TENM4: variants seen among roughly 807,000 people sequenced by gnomAD.
TENM4 encodes the protein teneurin transmembrane protein 4.
A neutral mutation model predicts 243.3 loss-of-function variants in TENM4; 82 were observed. The observed-to-expected ratio is 0.34, with a 90% CI of 0.28 to 0.40. The LOEUF is 0.40. Ranked by LOEUF, TENM4 falls within the 10% of genes least tolerant of loss-of-function variation. The pLI, the probability that TENM4 is intolerant of heterozygous loss-of-function variation, is 1.00. For synonymous variants in TENM4, 1,412 were observed against 1,456.3 expected (o/e 0.97, Z 0.69); for missense variants, 3,138 against 3,673.3 (o/e 0.85, Z 3.77).
At chr11:78,987,879 TC>T (rs1030364483) in intron 6 of TENM4, among the ~76,000 whole-genome samples, 78 of 152,184 alleles carry the variant, frequency 5.1e-4, no homozygotes, top group African/African-American at 1.8e-3. Flanking sequence ...TTACGTTTTT[TC>T]CCCCAGGCCA....
intron 1 of TENM4, chr11:79,422,338 C>A (rs981058295): frequency 2.0e-5 from 3 of 152,088 alleles, no homozygotes; most frequent in African/African-American, 4.8e-5. Flanking sequence ...ACCAGCTCTA[C>A]AGTAAGAAAG....
At chr11:79,250,728 A>G (rs1258212320) in intron 2 of TENM4, among the ~76,000 whole-genome samples, 1 of 152,252 alleles carries the variant, frequency 6.6e-6, no homozygotes, top group Non-Finnish European at 1.5e-5. Flanking sequence ...TTAAAAATTA[A>G]TAATTGAAAT....
intron 1 of TENM4, among the ~76,000 whole-genome samples, chr11:79,388,140 G>A (rs959744439): frequency 6.6e-6 from 1 of 152,222 alleles, no homozygotes; most frequent in Non-Finnish European, 1.5e-5. Context: ...CTTCACTGAG[G>A]TTAGAGCCAG....
At chr11:79,127,915 C>T (rs983092025) in intron 4 of TENM4, among the ~76,000 whole-genome samples, 1 of 152,176 alleles carries the variant, frequency 6.6e-6, no homozygotes, top group African/African-American at 2.4e-5. Flanking sequence ...CTCCTACAAC[C>T]AAGAAAGAGG....
intron 18 of TENM4, among the ~76,000 whole-genome samples, chr11:78,769,859 C>A (rs997883093): frequency 5.3e-5 from 8 of 152,252 alleles, no homozygotes; most frequent in African/African-American, 1.9e-4. Flanking sequence ...GAAACCCACT[C>A]AAGGCAAATA....
rs376677894 is a variant in TENM4 at position 78,989,955 on chromosome 11, T to C, written c.493+74783A>G. ...GGCATATAATTGTAGTCCCAGTTACTCAGGAGGCTAAGGTGGGAGAGTCAC... is the reference window on the plus strand; with the variant it reads ...GGCATATAATTGTAGTCCCAGTTACCCAGGAGGCTAAGGTGGGAGAGTCAC... On this transcript the variant is annotated intron_variant, in intron 6 of 33. Coordinates refer to ENST00000278550, the MANE Select transcript of TENM4 (RefSeq NM_001098816.3). Among the ~76,000 whole-genome samples, 88 of 151,922 alleles carry C rather than the reference T, an allele frequency of 5.8e-4. 1 individual carries two copies. Among genetic ancestry groups the C allele is most frequent in the East Asian group, 3.1e-3 (16 of 5,154 alleles).
chr11:79,303,716 C>T (rs749700018), intron 1 of TENM4, among the ~76,000 whole-genome samples: 1 of 152,154 alleles, frequency 6.6e-6, no homozygotes, highest in Non-Finnish European at 1.5e-5. Context: ...ATGCTCTAAA[C>T]CATTAGACTA....
intron 1 of TENM4, among the ~76,000 whole-genome samples, chr11:79,423,953 T>C (rs1456394095): frequency 6.6e-6 from 1 of 152,208 alleles, no homozygotes; most frequent in East Asian, 1.9e-4. Flanking sequence ...TGAAGGTTCT[T>C]TCTCAGATGT....
In TENM4 at chr11:79,361,785, A is replaced by T. The variant is rs141522913; in HGVS notation, c.-320-64242T>A. ...CGCAACAGAAAAAAAAAATACAGAGACTATGTATCTGTGGGATTTCAAATA... is the reference window on the plus strand; with the variant it reads ...CGCAACAGAAAAAAAAAATACAGAGTCTATGTATCTGTGGGATTTCAAATA... On this transcript the variant is annotated intron_variant, in intron 1 of 33. Coordinates refer to ENST00000278550, the MANE Select transcript of TENM4 (RefSeq NM_001098816.3). 6.1e-3 allele frequency among the ~76,000 whole-genome samples: 926 copies of T among 152,260 alleles called. 2 individuals carry two copies. Among genetic ancestry groups the T allele is most frequent in the Non-Finnish European group, 0.01 (714 of 68,018 alleles).
intron 7 of TENM4, among the ~76,000 whole-genome samples, chr11:78,891,818 C>T (rs1646894541): frequency 6.6e-6 from 1 of 152,146 alleles, no homozygotes; most frequent in East Asian, 1.9e-4. Context: ...AGGCTGCTTA[C>T]ATCAGCTTAA....
At chr11:78,771,620 C>A (rs1856648727) in intron 17 of TENM4, among the ~76,000 whole-genome samples, 1 of 152,150 alleles carries the variant, frequency 6.6e-6, no homozygotes, top group Non-Finnish European at 1.5e-5. Context: ...AAGGGTGTTA[C>A]TTTTTCCAAC....
At chr11:79,393,668 G>A (rs970223767) in intron 1 of TENM4, among the ~76,000 whole-genome samples, 5 of 152,196 alleles carry the variant, frequency 3.3e-5, no homozygotes, top group Non-Finnish European at 5.9e-5. Flanking sequence ...GAGCAGAGGC[G>A]GGCACTCCAC....
At chr11:78,934,997 CTTTTTTTT>C (rs530062569) in intron 6 of TENM4, among the ~76,000 whole-genome samples, 2 of 81,114 alleles carry the variant, frequency 2.5e-5, no homozygotes, top group Non-Finnish European at 4.2e-5. Context: ...AAGTATGCAA[CTTTTTTTT>C]TTTTTTTTTT....
Position 78,708,423 on chromosome 11 carries a change from C to T in TENM4, c.4147G>A (p.Gly1383Ser), listed in dbSNP as rs1183184347. 11 of 1,613,856 alleles carry T rather than the reference C, an allele frequency of 6.8e-6. No individual in the cohort carries two copies. The highest frequency in any genetic ancestry group is 2.7e-5 in the African/African-American group (2 of 74,912). The change falls in exon 27 of 34, where the codon GGC (glycine) becomes AGC (serine). Residue 1383 changes from glycine to serine, a missense_variant. This residue lies in a region of TENM4 where 2,467 missense variants were observed against 3,059.1 expected (regional missense o/e 0.81). Coordinates refer to ENST00000278550, the MANE Select transcript of TENM4 (RefSeq NM_001098816.3). ...DQNGIISTLL[G>S]SNDLTSARPL... ...CGGGCTGATGTGAGATCATTAGAGC[C>T]GAGCAGGGTGGAGATGATCCCATTC...
chr11:79,239,715 T>C (rs1347337574), intron 2 of TENM4, among the ~76,000 whole-genome samples: 1 of 152,208 alleles, frequency 6.6e-6, no homozygotes, highest in African/African-American at 2.4e-5. Context: ...CAGCACCTAC[T>C]ATTCCTGGGG....
intron 22 of TENM4, among the ~76,000 whole-genome samples, chr11:78,728,233 A>G (rs1330309447): frequency 6.6e-6 from 1 of 152,198 alleles, no homozygotes; most frequent in African/African-American, 2.4e-5. Flanking sequence ...GCGAACCCAT[A>G]GGAAAGATCT....
chr11:78,982,077 C>T (rs547150909), intron 6 of TENM4, among the ~76,000 whole-genome samples: 14 of 152,142 alleles, frequency 9.2e-5, no homozygotes, highest in African/African-American at 1.9e-4. Context: ...CTTCTTCAAC[C>T]GATAAGTAGG....
intron 6 of TENM4, among the ~76,000 whole-genome samples, chr11:78,929,383 G>T (rs1856622281): frequency 6.6e-6 from 1 of 152,190 alleles, no homozygotes; most frequent in African/African-American, 2.4e-5. Flanking sequence ...AACTTCAGAG[G>T]TGGGAGGGGG....
At chr11:78,713,725 T>C (rs1489335077) in intron 25 of TENM4, among the ~76,000 whole-genome samples, 5 of 152,344 alleles carry the variant, frequency 3.3e-5, no homozygotes, top group African/African-American at 1.2e-4. Context: ...TGCTCAATAA[T>C]AATTATTATT....
Sources: allele counts gnomAD v4.1 joint callset (sites outside exome capture counted in the v4.1 genomes callset), GRCh38; gene constraint gnomAD v4.1.1; regional missense constraint gnomAD v4.1.1; transcripts MANE v1.5; gene names NCBI Gene and HGNC (gene_info 2026-07-23, HGNC 2026-07-21).